C16orf96: variants seen among roughly 807,000 people sequenced by gnomAD.
The protein encoded by C16orf96 is chromosome 16 open reading frame 96.
C16orf96 carries 108 observed loss-of-function variants against 103.6 expected under a neutral mutation model. That is an observed-to-expected ratio of 1.04 (90% confidence interval 0.89 to 1.22). The LOEUF (loss-of-function observed/expected upper bound fraction) is 1.22. Ranked by LOEUF, C16orf96 falls within the 50% of genes most tolerant of loss-of-function variation. The pLI is 0.00. For synonymous variants in C16orf96, 566 were observed against 593.5 expected (o/e 0.95, Z 0.67); for missense variants, 1,586 against 1,464.2 (o/e 1.08, Z -1.36).
At chr16:4,577,104 T>C (rs1273008765) in intron 5 of C16orf96, among the ~76,000 whole-genome samples, 2 of 152,012 alleles carry the variant, frequency 1.3e-5, no homozygotes, top group Non-Finnish European at 2.9e-5. Flanking sequence ...GGCAGGAGAA[T>C]CGCTTGAACC....
rs756213478 is a variant in C16orf96, at chr16:4,576,193, C to T, written c.1713C>T (p.Ala571=). Residue 571 remains alanine (A), a synonymous_variant, in exon 5 of 16, where the codon GCC becomes GCT. Coordinates refer to ENST00000444310, the MANE Select transcript of C16orf96 (RefSeq NM_001145011.2). ...GGCTGAAAACCACCGCTGCCATCGC[C>T]GCCGCTGCCGCCGCAGCCTACGCCG... ...LHRLKTTAAI[A]AAAAAAYAAA... is the part of the protein sequence containing the mutation. The T allele has an allele frequency of 4.0e-5, 62 of 1,550,346 alleles. No homozygotes were observed. Among genetic ancestry groups the T allele is most frequent in the East Asian group, 1.2e-4 (5 of 40,928 alleles).
At chr16:4,588,444 C>A in intron 9 of C16orf96, 113 bp downstream of exon 9, 1 of 1,247,984 alleles carries the variant, frequency 8.0e-7, no homozygotes, top group Non-Finnish European at 1.1e-6. Context: ...TGGGAGTGAC[C>A]CAGCAACTTA....
intron 11 of C16orf96, among the ~76,000 whole-genome samples, chr16:4,592,751 C>T (rs1299986366): frequency 6.6e-6 from 1 of 152,186 alleles, no homozygotes; most frequent in Non-Finnish European, 1.5e-5. Flanking sequence ...ATAGTCCCAG[C>T]TACTCAGGAG....
intron 1 of C16orf96, among the ~76,000 whole-genome samples, chr16:4,559,385 A>T: frequency 6.6e-6 from 1 of 151,762 alleles, no homozygotes; most frequent in Non-Finnish European, 1.5e-5. Flanking sequence ...TCTACTAAAA[A>T]TAAAAATAAA....
At chr16:4,550,310 A>C in the C16orf96 span, among the ~76,000 whole-genome samples, 2 of 152,070 alleles carry the variant, frequency 1.3e-5, no homozygotes, top group African/African-American at 4.8e-5. Context: ...GTCTCTAAGT[A>C]GTGACCTCAC....
the C16orf96 span, among the ~76,000 whole-genome samples, chr16:4,549,338 T>C: frequency 5.9e-4 from 90 of 151,998 alleles, no homozygotes; most frequent in East Asian, 0.012. Flanking sequence ...CCAGGCGTGG[T>C]GGCGGGTGCC....
rs2059508844 is a variant in C16orf96 at position 4,576,337 on chromosome 16, C to T, written c.1857C>T (p.Val619=). 4 of 1,550,686 alleles carry T rather than the reference C, an allele frequency of 2.6e-6. No individual in the cohort carries two copies. ...TDTAAAGPLG[V]FADVLGAGPS... ...CGGCTGCAGCTGGGCCCCTAGGGGT[C>T]TTTGCAGATGTCCTGGGTGCAGGGC... Residue 619 remains valine, a synonymous_variant, in exon 5 of 16, where the codon GTC becomes GTT. Coordinates refer to ENST00000444310, the MANE Select transcript of C16orf96 (RefSeq NM_001145011.2).
intron 14 of C16orf96, among the ~76,000 whole-genome samples, chr16:4,595,693 G>T (rs1357917132): frequency 2.6e-5 from 4 of 151,414 alleles, no homozygotes; most frequent in African/African-American, 9.7e-5. Flanking sequence ...CTGGTTTTTT[G>T]TTGTTGTTGT....
Position 4,575,178 on chromosome 16 carries a change from T to C in C16orf96, c.698T>C (p.Ile233Thr). Residue 233 changes from isoleucine to threonine, a missense_variant, in exon 5 of 16, where the codon ATT becomes ACT. By Grantham distance (89) the Ile-to-Thr change is moderately conservative. Coordinates refer to ENST00000444310, the MANE Select transcript of C16orf96 (RefSeq NM_001145011.2). ...GLHDAMFTSE[I>T]GSSPLDLWQS... Reference sequence around the variant, plus strand: ...CCTCTGCCCCCTCTTCTGCAGGAAATTGGTTCATCACCACTGGACCTGTGG... The same window carrying C: ...CCTCTGCCCCCTCTTCTGCAGGAAACTGGTTCATCACCACTGGACCTGTGG... 1 of 1,545,744 alleles carries C rather than the reference T, an allele frequency of 6.5e-7. No homozygotes were observed.
chr16:4,571,793 G>A (rs1406144376), intron 2 of C16orf96, 128 bp downstream of exon 2: 3 of 763,152 alleles, frequency 3.9e-6, no homozygotes, highest in Non-Finnish European at 6.2e-6. Flanking sequence ...TGGTCATGTG[G>A]ACCCTCCAAT....
chr16:4,541,089 T>C, the C16orf96 span, among the ~76,000 whole-genome samples: 1 of 152,034 alleles, frequency 6.6e-6, no homozygotes, highest in South Asian at 2.1e-4. Context: ...AATTTTTGTA[T>C]TTTTAGTAGA....
intron 5 of C16orf96, among the ~76,000 whole-genome samples, chr16:4,577,055 G>C (rs1001566287): frequency 1.3e-5 from 2 of 152,092 alleles, no homozygotes; most frequent in African/African-American, 4.8e-5. Flanking sequence ...GCTGGGCGTG[G>C]TGGTGTATGC....
At position 4,577,478 on chromosome 16, in the gene C16orf96, G is replaced by A. The variant is rs1052352285; in HGVS notation, c.2155+843G>A. Among the ~76,000 whole-genome samples the A allele has an allele frequency of 1.1e-4, 16 of 151,376 alleles. No homozygotes were observed. In the East Asian group the frequency reaches 1.6e-3, roughly 15 times the overall value. ...ATCCTGGCTGACACGGTGAAACCCCGTCTCTACTAAAAATACAAAAAAATT... is the reference window on the plus strand; with the variant it reads ...ATCCTGGCTGACACGGTGAAACCCCATCTCTACTAAAAATACAAAAAAATT... On this transcript the variant is annotated intron_variant, in intron 5 of 15. Coordinates refer to ENST00000444310, the MANE Select transcript of C16orf96 (RefSeq NM_001145011.2).
At position 4,600,371 on chromosome 16, in the gene C16orf96, G is replaced by A. The variant is rs1897258575; in HGVS notation, c.*54G>A. On this transcript the variant is annotated 3_prime_UTR_variant, in exon 16 of 16. Coordinates refer to ENST00000444310, the MANE Select transcript of C16orf96 (RefSeq NM_001145011.2). ...AAGTCCCCTCCACGTCCGAGGCTGA[G>A]GCCCATGTGGCCCTCCCACTCCCAC... 1 of 1,281,150 alleles carries A rather than the reference G, an allele frequency of 7.8e-7. No homozygotes were observed. The highest frequency in any genetic ancestry group is 2.5e-5 in the East Asian group (1 of 39,476). 79.4% of individuals were successfully genotyped at this position (1,281,150 alleles called of 1,614,324 possible). A position where few individuals can be genotyped will look rare whatever the true frequency, so the allele number is the denominator to read the frequency against.
Position 4,576,199 on chromosome 16 carries a change from TGCCGCCGCA to T in C16orf96, c.1723_1731del (p.Ala575_Ala577del). The stretch of plus-strand genomic sequence containing the variant: ...AAACCACCGCTGCCATCGCCGCCGC[TGCCGCCGCA>T]GCCTACGCCGCTGCCACATCCTCCG... On this transcript the variant is annotated inframe_deletion, in exon 5 of 16. Transcript: ENST00000444310. The T allele has an allele frequency of 6.4e-7, 1 of 1,550,518 alleles. No homozygotes were observed. Among genetic ancestry groups the T allele is most frequent in the Non-Finnish European group, 8.7e-7 (1 of 1,146,972 alleles).
upstream of C16orf96, among the ~76,000 whole-genome samples, chr16:4,553,049 C>G (rs963650922): frequency 1.8e-4 from 28 of 152,148 alleles, no homozygotes; most frequent in African/African-American, 6.3e-4. Context: ...GAGAAGGTCT[C>G]TATTCTGAAA....
chr16:4,559,509 C>T (rs557633391), intron 1 of C16orf96, among the ~76,000 whole-genome samples: 1 of 151,824 alleles, frequency 6.6e-6, no homozygotes, highest in African/African-American at 2.4e-5. Flanking sequence ...GGAGATTGCG[C>T]CACTGCACTC....
In C16orf96 at chr16:4,594,788, G is replaced by A. The variant is rs1177803641; in HGVS notation, c.3112G>A (p.Ala1038Thr). 3 of 1,550,444 alleles carry A rather than the reference G, an allele frequency of 1.9e-6. No homozygotes were observed. The highest frequency in any genetic ancestry group is 2.4e-5 in the South Asian group (2 of 84,024). Residue 1038 changes from alanine to threonine, a missense_variant, in exon 14 of 16, where the codon GCA becomes ACA. Transcript: ENST00000444310. Reference protein sequence around the residue: ...SQRGAQPLAVAKELAAVKAPS... With the variant: ...SQRGAQPLAVTKELAAVKAPS... ...GCGTGGGGCTCAGCCCTTGGCCGTC[G>A]CAAAGGAGCTGGCAGGTGAGGGGCG...
rs188170178 is a variant in C16orf96 at position 4,576,398 on chromosome 16, G to A, written c.1918G>A (p.Asp640Asn). 205 of 1,551,080 alleles carry A rather than the reference G, an allele frequency of 1.3e-4. No homozygotes were observed. The African/African-American group carries it at 2.4e-3, about 18-fold the overall frequency. ...RGATESQILG[D>N]DSEIYEILSP... The stretch of plus-strand genomic sequence containing the variant: ...AGCCACAGAATCCCAGATCTTGGGC[G>A]ATGATTCCGAAATCTACGAAATCCT... Residue 640 changes from aspartate (D) to asparagine (N), a missense_variant, in exon 5 of 16, where the codon GAT (aspartate) becomes AAT (asparagine). Asp to Asn is a conservative substitution (Grantham distance 23, BLOSUM62 1). Transcript: ENST00000444310.
Sources: gnomAD v4.1 joint callset for allele counts (sites outside exome capture counted in the v4.1 genomes callset) on GRCh38, gnomAD v4.1.1 for gene constraint, MANE v1.5 for transcripts, NCBI Gene and HGNC (gene_info 2026-07-23, HGNC 2026-07-21) for gene names.